Variants in NAV2 observed in about 807,000 individuals in gnomAD.
NAV2 encodes the protein helicase, APC down-regulated 1.
Under a neutral mutation model 223.2 loss-of-function variants are expected in NAV2, and 54 were observed. The ratio of observed to expected loss-of-function variants is 0.24; its 90% CI spans 0.19 to 0.30. The LOEUF (loss-of-function observed/expected upper bound fraction) is 0.30. Among genes scored for constraint, NAV2 ranks in the 10% least tolerant of loss-of-function variants. The probability of loss-of-function intolerance (pLI) is 1.00; values close to 1 mark genes in which losing one functional copy is unlikely to be tolerated. For missense variants in NAV2, 2,806 were observed against 3,147.5 expected, an observed-to-expected ratio of 0.89 and a Z score of 2.60; for synonymous variants, 1,279 against 1,239.3, an observed-to-expected ratio of 1.03 and a Z score of -0.67.
chr11:20,065,485 T>A (rs1591944621), intron 20 of NAV2, among the ~76,000 whole-genome samples: 1 of 152,142 alleles, frequency 6.6e-6, no homozygotes, highest in South Asian at 2.1e-4. Flanking sequence ...GTAGAGAAAA[T>A]CTCAAAGGCC....
At chr11:19,790,914 T>A (rs945581205) in intron 1 of NAV2, among the ~76,000 whole-genome samples, 5 of 151,948 alleles carry the variant, frequency 3.3e-5, no homozygotes, top group African/African-American at 7.3e-5. Context: ...TTTTTTTTTT[T>A]ATTTGTTAGC....
chr11:19,649,850 T>C (rs925753326), intron 1 of NAV2, among the ~76,000 whole-genome samples: 4 of 152,206 alleles, frequency 2.6e-5, no homozygotes, highest in African/African-American at 9.6e-5. Context: ...CTCAGTATCA[T>C]TGATAGCCAG....
At chr11:19,352,535 C>T (rs996948120) in intron 1 of NAV2, among the ~76,000 whole-genome samples, 1 of 152,150 alleles carries the variant, frequency 6.6e-6, no homozygotes, top group African/African-American at 2.4e-5. Flanking sequence ...AGAATATAAC[C>T]CCAAGTGAGG....
intron 1 of NAV2, among the ~76,000 whole-genome samples, chr11:19,696,983 G>T (rs750256322): frequency 4.6e-5 from 7 of 152,190 alleles, no homozygotes; most frequent in Non-Finnish European, 1.0e-4. Context: ...GGCATAGATT[G>T]GTTGAGTCGC....
chr11:19,514,649 GC>G lies in NAV2; in HGVS notation c.75+163623del, dbSNP rs991080317. Among the ~76,000 whole-genome samples, 86 of 152,310 alleles carry G rather than the reference GC, an allele frequency of 5.6e-4. 1 individual carries two copies. The highest frequency in any genetic ancestry group is 2.0e-3 in the African/African-American group (82 of 41,566). On this transcript the variant is annotated intron_variant, in intron 1 of 37. Transcript: ENST00000360655. ...ATTATGCATTTACTGCCTCGGTGGG[GC>G]TCACAAAGGAGAGAATTCTGGGTGG...
intron 3 of NAV2, among the ~76,000 whole-genome samples, chr11:19,867,340 C>T (rs2062160032): frequency 6.6e-6 from 1 of 152,180 alleles, no homozygotes; most frequent in South Asian, 2.1e-4. Context: ...CCTGGTTTCT[C>T]ACCCAGCTCT....
At chr11:20,037,363 A>G (rs1431482686) in intron 12 of NAV2, among the ~76,000 whole-genome samples, 2 of 135,240 alleles carry the variant, frequency 1.5e-5, no homozygotes, top group East Asian at 2.8e-4. Flanking sequence ...TTCTTTGACA[A>G]TAGGGCTAAA....
intron 1 of NAV2, among the ~76,000 whole-genome samples, chr11:19,366,370 C>G (rs1848279527): frequency 6.6e-6 from 1 of 152,212 alleles, no homozygotes; most frequent in African/African-American, 2.4e-5. Flanking sequence ...CTTCTTCTCA[C>G]CTGTAGGAGA....
rs1260694511 is a variant in NAV2, at chr11:20,035,952, T to C, written c.2769-7T>C. 9 of 1,613,998 alleles carry C rather than the reference T, an allele frequency of 5.6e-6. No individual in the cohort carries two copies. Among genetic ancestry groups the C allele is most frequent in the Non-Finnish European group, 7.6e-6 (9 of 1,180,018 alleles). ...TTGGTGCTCAGGATGTGTGTTTGTC[T>C]TGGCAGCTGGGACGACAGCAGCTCC... On this transcript the variant is annotated splice_region_variant and splice_polypyrimidine_tract_variant and intron_variant, in intron 11 of 37. Coordinates refer to ENST00000349880, the MANE Select transcript of NAV2 (RefSeq NM_145117.5).
chr11:20,107,244 GTT>G (rs759043206), intron 35 of NAV2: 7 of 133,276 alleles, frequency 5.3e-5, no homozygotes, highest in Non-Finnish European at 9.7e-5. Flanking sequence ...CGCCTGGCTA[GTT>G]TTTTTTTTTT....
At chr11:19,468,025 G>T (rs1292834129) in intron 1 of NAV2, among the ~76,000 whole-genome samples, 2 of 152,144 alleles carry the variant, frequency 1.3e-5, no homozygotes, top group African/African-American at 2.4e-5. Flanking sequence ...TGGGCAGAAG[G>T]AGCTGATGAG....
chr11:19,914,352 C>T (rs144044320), intron 6 of NAV2, among the ~76,000 whole-genome samples: 403 of 152,286 alleles, frequency 2.6e-3, no homozygotes, highest in African/African-American at 9.3e-3. Context: ...AATACTTGCA[C>T]TTACAGGTCA....
At chr11:19,530,088 G>T (rs1242331083) in intron 1 of NAV2, among the ~76,000 whole-genome samples, 1 of 152,176 alleles carries the variant, frequency 6.6e-6, no homozygotes, top group African/African-American at 2.4e-5. Context: ...CCCTGAGCAA[G>T]TCACCATTGT....
intron 1 of NAV2, among the ~76,000 whole-genome samples, chr11:19,563,709 G>A (rs190676470): frequency 2.2e-4 from 33 of 152,250 alleles, no homozygotes; most frequent in African/African-American, 4.8e-4. Flanking sequence ...TTGGAGAACC[G>A]CCACTACAAT....
intron 36 of NAV2, among the ~76,000 whole-genome samples, chr11:20,108,361 A>T (rs368900277): frequency 3.3e-5 from 5 of 152,204 alleles, no homozygotes; most frequent in African/African-American, 1.2e-4. Flanking sequence ...TTTCCCTGAC[A>T]TCAGCACCCC....
intron 1 of NAV2, among the ~76,000 whole-genome samples, chr11:19,512,072 A>C (rs2043295979): frequency 1.3e-5 from 2 of 152,170 alleles, no homozygotes; most frequent in South Asian, 4.2e-4. Flanking sequence ...ATTGCTTTGC[A>C]TGGACAGGTT....
At chr11:20,021,759 G>A (rs1367439303) in intron 11 of NAV2, among the ~76,000 whole-genome samples, 3 of 152,146 alleles carry the variant, frequency 2.0e-5, no homozygotes, top group African/African-American at 7.2e-5. Context: ...GGGCCCTGAA[G>A]GATGAGATGT....
At chr11:19,365,238 G>A (rs1031860414) in intron 1 of NAV2, among the ~76,000 whole-genome samples, 10 of 152,150 alleles carry the variant, frequency 6.6e-5, no homozygotes, top group African/African-American at 2.4e-4. Context: ...TCTACCCCTA[G>A]TCACTATTCA....
intron 11 of NAV2, among the ~76,000 whole-genome samples, chr11:19,988,986 T>A (rs2051064381): frequency 6.6e-6 from 1 of 152,030 alleles, no homozygotes; most frequent in Admixed American, 6.6e-5. Flanking sequence ...AGGTGGTAGG[T>A]CCCCAACAAG....
Sources: allele counts gnomAD v4.1 joint callset (sites outside exome capture counted in the v4.1 genomes callset), GRCh38; gene constraint gnomAD v4.1.1; transcripts MANE v1.5; gene names NCBI Gene and HGNC (gene_info 2026-07-23, HGNC 2026-07-21).